SLC9A9: variants seen among roughly 807,000 people sequenced by gnomAD.
SLC9A9 encodes sodium/hydrogen exchanger 9.
A neutral mutation model predicts 77.8 loss-of-function variants in SLC9A9; 62 were observed. The ratio of observed to expected loss-of-function variants is 0.80; its 90% CI spans 0.65 to 0.98. SLC9A9 has a LOEUF of 0.98. Ranked by LOEUF, SLC9A9 falls within the 50% of genes least tolerant of loss-of-function variation. SLC9A9 has a pLI of 0.00. For missense variants in SLC9A9, 775 were observed against 774.9 expected (o/e 1.00, Z 0.00); for synonymous variants, 320 against 283.5 (o/e 1.13, Z -1.29).
intron 12 of SLC9A9, among the ~76,000 whole-genome samples, chr3:143,422,901 GA>G (rs1157037805): frequency 6.6e-6 from 1 of 152,158 alleles, no homozygotes; most frequent in East Asian, 1.9e-4. Flanking sequence ...ATTTACAGAT[GA>G]AAAATGGCAA....
chr3:143,513,335 G>A (rs1352358011), intron 9 of SLC9A9, among the ~76,000 whole-genome samples: 1 of 152,138 alleles, frequency 6.6e-6, no homozygotes, highest in Non-Finnish European at 1.5e-5. Flanking sequence ...ATCTCAAGAA[G>A]CCACTTTCGT....
At chr3:143,755,491 T>C (rs2006893358) in intron 4 of SLC9A9, among the ~76,000 whole-genome samples, 1 of 152,192 alleles carries the variant, frequency 6.6e-6, no homozygotes. Context: ...ATCACTGTCA[T>C]TTAATATTAA....
At chr3:143,450,845 G>T (rs1294801255) in intron 12 of SLC9A9, among the ~76,000 whole-genome samples, 5 of 152,196 alleles carry the variant, frequency 3.3e-5, no homozygotes, top group East Asian at 1.9e-4. Flanking sequence ...AGCAGGCTGT[G>T]ATGGCCATCA....
chr3:143,552,503 T>C, intron 8 of SLC9A9, 53 bp from the exon 9 acceptor site: 1 of 1,496,364 alleles, frequency 6.7e-7, no homozygotes, highest in Admixed American at 1.7e-5. Flanking sequence ...TCCATCCAAG[T>C]CAAAGGTTAG....
intron 9 of SLC9A9, among the ~76,000 whole-genome samples, chr3:143,510,933 A>G (rs2036106295): frequency 6.6e-6 from 1 of 152,172 alleles, no homozygotes; most frequent in Admixed American, 6.5e-5. Flanking sequence ...ATTTTTGACC[A>G]TCAATGTCTG....
chr3:143,511,296 T>C (rs903033932), intron 9 of SLC9A9, among the ~76,000 whole-genome samples: 5 of 152,184 alleles, frequency 3.3e-5, no homozygotes, highest in African/African-American at 1.2e-4. Context: ...TCCTTTCCCT[T>C]GCCCCCACGA....
In SLC9A9 at chr3:143,466,066, A is replaced by C. The variant is rs541415927; in HGVS notation, c.1469+971T>G. On this transcript the variant is annotated intron_variant, in intron 12 of 15. Transcript: ENST00000316549. ...GTATTCATTTAACTTTTCATGAATT[A>C]TGTATTCAATCCTACTATGTGCCAG... is the stretch of plus-strand genomic sequence containing the variant. Among the ~76,000 whole-genome samples the C allele has an allele frequency of 2.0e-5, 3 of 152,292 alleles. No individual in the cohort carries two copies. In the South Asian group the frequency reaches 6.2e-4, roughly 32 times the overall value.
intron 2 of SLC9A9, among the ~76,000 whole-genome samples, chr3:143,805,276 A>G (rs973264308): frequency 2.6e-5 from 4 of 151,870 alleles, no homozygotes; most frequent in African/African-American, 9.7e-5. Context: ...CAACCCCACA[A>G]TATCACCCCT....
chr3:143,811,896 C>T, intron 2 of SLC9A9: 1 of 330,282 alleles, frequency 3.0e-6, no homozygotes, highest in Non-Finnish European at 5.8e-6. Flanking sequence ...AAAAGAAAAA[C>T]AAGAAGTGTT....
At chr3:143,843,276 A>G (rs2009751749) in intron 1 of SLC9A9, among the ~76,000 whole-genome samples, 1 of 152,154 alleles carries the variant, frequency 6.6e-6, no homozygotes, top group Admixed American at 6.5e-5. Context: ...CAACATGTCC[A>G]ACAACCCAAT....
At chr3:143,751,817 G>A (rs1413478404) in intron 4 of SLC9A9, among the ~76,000 whole-genome samples, 2 of 152,184 alleles carry the variant, frequency 1.3e-5, no homozygotes, top group Non-Finnish European at 1.5e-5. Flanking sequence ...AGCAGCTGGG[G>A]GTACAGGGAG....
At chr3:143,543,617 C>G (rs2036729562) in intron 9 of SLC9A9, among the ~76,000 whole-genome samples, 2 of 152,090 alleles carry the variant, frequency 1.3e-5, no homozygotes, top group African/African-American at 2.4e-5. Context: ...GTTTATCTCC[C>G]ATTTACAGAT....
intron 10 of SLC9A9, among the ~76,000 whole-genome samples, chr3:143,493,996 T>A (rs897018250): frequency 2.0e-5 from 3 of 152,234 alleles, no homozygotes; most frequent in African/African-American, 7.2e-5. Context: ...TTTAAAATTG[T>A]TAGCCCAATA....
chr3:143,829,336 G>C (rs2009377890), intron 2 of SLC9A9, among the ~76,000 whole-genome samples: 1 of 152,070 alleles, frequency 6.6e-6, no homozygotes, highest in Non-Finnish European at 1.5e-5. Flanking sequence ...GGCAGGCTCT[G>C]TTGATCCAAA....
chr3:143,431,809 G>T (rs2034522500), intron 12 of SLC9A9, among the ~76,000 whole-genome samples: 1 of 151,876 alleles, frequency 6.6e-6, no homozygotes, highest in Non-Finnish European at 1.5e-5. Context: ...TCTAAACTCA[G>T]CCCCTCCTAC....
chr3:143,829,988 C>A (rs1179026440), intron 2 of SLC9A9, among the ~76,000 whole-genome samples: 2 of 152,122 alleles, frequency 1.3e-5, no homozygotes, highest in African/African-American at 4.8e-5. Flanking sequence ...TCTATCTAAT[C>A]CTAACTTTGT....
At chr3:143,375,457 G>C (rs2033161271) in intron 13 of SLC9A9, among the ~76,000 whole-genome samples, 1 of 152,162 alleles carries the variant, frequency 6.6e-6, no homozygotes, top group South Asian at 2.1e-4. Flanking sequence ...CTGATGCTCA[G>C]CCTCAAGAAA....
chr3:143,317,450 C>T lies in SLC9A9; in HGVS notation c.1604+46034G>A, dbSNP rs1201585750. Among the ~76,000 whole-genome samples, 7 of 152,198 alleles carry T rather than the reference C, an allele frequency of 4.6e-5. No individual in the cohort carries two copies. The East Asian group carries it at 1.3e-3, about 29-fold the overall frequency. ...TCTCAGTGTTACTGAGATTAAAATA[C>T]TTTCCTTAGTCAAAATCCTCCTGAT... On this transcript the variant is annotated intron_variant, in intron 14 of 15. Transcript: ENST00000316549.
At chr3:143,697,189 A>G (rs1933666321) in intron 4 of SLC9A9, among the ~76,000 whole-genome samples, 1 of 151,854 alleles carries the variant, frequency 6.6e-6, no homozygotes, top group Admixed American at 6.6e-5. Context: ...GATATATAAA[A>G]TAAAGTATAC....
Sources: allele counts gnomAD v4.1 joint callset (sites outside exome capture counted in the v4.1 genomes callset), GRCh38; gene constraint gnomAD v4.1.1; transcripts MANE v1.5; gene names NCBI Gene and HGNC (gene_info 2026-07-23, HGNC 2026-07-21).